Variants in GABRR3 observed in about 807,000 individuals in gnomAD.
GABRR3 encodes the protein gamma-aminobutyric acid receptor subunit rho-3.
A neutral mutation model predicts 43.2 loss-of-function variants in GABRR3; 29 were observed. The ratio of observed to expected loss-of-function variants is 0.67; its 90% confidence interval spans 0.50 to 0.92. The LOEUF is 0.92. Ranked by LOEUF, GABRR3 falls within the 40% of genes least tolerant of loss-of-function variation. The probability of loss-of-function intolerance (pLI) is 0.00; values close to 1 mark genes in which losing one functional copy is unlikely to be tolerated. For synonymous variants in GABRR3, 206 were observed against 195.9 expected, an observed-to-expected ratio of 1.05 and a Z score of -0.43; for missense variants, 576 against 572.3, an observed-to-expected ratio of 1.01 and a Z score of -0.07.
At chr3:98,020,490 T>C (rs1355424408) in intron 3 of GABRR3, among the ~76,000 whole-genome samples, 1 of 131,452 alleles carries the variant, frequency 7.6e-6, no homozygotes, top group African/African-American at 2.8e-5. Context: ...AAGAAAAAGA[T>C]ACAGTGCTTC....
At chr3:98,010,465 G>A (rs1377110827) in intron 5 of GABRR3, among the ~76,000 whole-genome samples, 3 of 152,122 alleles carry the variant, frequency 2.0e-5, no homozygotes, top group Non-Finnish European at 2.9e-5. Context: ...CCCCTCCAGA[G>A]GTCAAGCTGA....
chr3:98,025,647 C>A (rs770976930), exon 3 of GABRR3: 1 of 1,612,236 alleles, frequency 6.2e-7, no homozygotes, highest in Admixed American at 1.7e-5. Flanking sequence ...CGCTTTGGTA[C>A]TGTCATCTTT....
At chr3:98,007,106 G>A (rs928164178) in intron 7 of GABRR3, among the ~76,000 whole-genome samples, 11 of 152,066 alleles carry the variant, frequency 7.2e-5, no homozygotes, top group African/African-American at 1.7e-4. Flanking sequence ...TCAAATAAAC[G>A]CATAGTTCAG....
downstream of GABRR3, among the ~76,000 whole-genome samples, chr3:97,986,497 G>A (rs1706387917): frequency 6.6e-6 from 1 of 152,150 alleles, no homozygotes. Context: ...CTTATTTATG[G>A]AGTCAAACTT....
intron 4 of GABRR3, among the ~76,000 whole-genome samples, chr3:98,016,039 A>G (rs1706868361): frequency 6.6e-6 from 1 of 152,164 alleles, no homozygotes; most frequent in South Asian, 2.1e-4. Context: ...AGCAGGAGAG[A>G]GAGCATGTGC....
At chr3:97,999,414 AG>A (rs1261781494) in intron 8 of GABRR3, 1 of 152,170 alleles carries the variant, frequency 6.6e-6, no homozygotes, top group African/African-American at 2.4e-5. Flanking sequence ...GGTTCTAAAC[AG>A]GCTGAACGCT....
intron 3 of GABRR3, among the ~76,000 whole-genome samples, chr3:98,021,517 T>C (rs1706948433): frequency 6.6e-6 from 1 of 152,156 alleles, no homozygotes; most frequent in African/African-American, 2.4e-5. Context: ...GTTGCTGTGA[T>C]TATGTGAAAG....
chr3:97,990,017 C>T (rs1230150588), intron 9 of GABRR3, among the ~76,000 whole-genome samples: 1 of 152,162 alleles, frequency 6.6e-6, no homozygotes, highest in Non-Finnish European at 1.5e-5. Context: ...AACCCACAGA[C>T]ATTTCTTCTA....
intron 7 of GABRR3, among the ~76,000 whole-genome samples, chr3:98,002,517 A>C (rs1706663148): frequency 6.6e-6 from 1 of 152,182 alleles, no homozygotes; most frequent in Non-Finnish European, 1.5e-5. Flanking sequence ...GACTTCTCTG[A>C]GCACCATTCT....
chr3:98,027,587 G>A (rs896225974), intron 2 of GABRR3, among the ~76,000 whole-genome samples: 11 of 152,226 alleles, frequency 7.2e-5, no homozygotes, highest in African/African-American at 2.2e-4. Context: ...TCTTGGCAGC[G>A]TGCGAAAGCA....
In GABRR3 at chr3:98,012,559, T is replaced by G. The variant is rs1397150103; in HGVS notation, c.315A>C (p.Thr105=). The G allele has an allele frequency of 7.4e-6, 12 of 1,611,296 alleles. No individual in the cohort carries two copies. In the South Asian group the frequency reaches 1.2e-4, roughly 16 times the overall value. Residue 105 remains threonine, a synonymous_variant, in exon 5 of 10, where the codon ACA becomes ACC. Transcript: ENST00000621172. ...AGTAATGCCTGAGATAAAAAGTCAT[T>G]GTAAAGTCCTAGACAGAGAGAAAAA...
At chr3:98,004,962 A>G (rs894842440) in intron 7 of GABRR3, among the ~76,000 whole-genome samples, 2 of 152,148 alleles carry the variant, frequency 1.3e-5, no homozygotes, top group African/African-American at 4.8e-5. Context: ...GAGCTATCAC[A>G]TGCTCATGAA....
At chr3:98,021,711 T>C (rs1706950195) in intron 3 of GABRR3, among the ~76,000 whole-genome samples, 1 of 152,198 alleles carries the variant, frequency 6.6e-6, no homozygotes, top group African/African-American at 2.4e-5. Flanking sequence ...ACCATTACGA[T>C]GATTGTGTTG....
chr3:98,034,983 A>C, exon 2 of GABRR3: 1 of 1,612,122 alleles, frequency 6.2e-7, no homozygotes, highest in Non-Finnish European at 8.5e-7. Context: ...GAAAGCCAGG[A>C]CCATCTCTTC....
intron 7 of GABRR3, among the ~76,000 whole-genome samples, chr3:98,005,679 C>A (rs1480653044): frequency 1.3e-5 from 2 of 152,002 alleles, no homozygotes; most frequent in Non-Finnish European, 1.5e-5. Context: ...TATGGTAGAG[C>A]AAATGGAATG....
intron 5 of GABRR3, among the ~76,000 whole-genome samples, chr3:98,011,388 C>T (rs1706790437): frequency 6.6e-6 from 1 of 152,184 alleles, no homozygotes; most frequent in South Asian, 2.1e-4. Context: ...AGGCCCTTCA[C>T]TCTTAGCTCT....
In GABRR3 at chr3:98,003,431, T is replaced by G. The variant is rs1225381589; in HGVS notation, c.755-1664A>C. Among the ~76,000 whole-genome samples the G allele has an allele frequency of 7.3e-5, 11 of 150,472 alleles. No individual in the cohort carries two copies. In the South Asian group the frequency reaches 1.5e-3, roughly 20 times the overall value. On this transcript the variant is annotated intron_variant, in intron 7 of 9. Coordinates refer to ENST00000621172, the Ensembl canonical transcript of GABRR3. ...AACAGTTGTCCTTTTTTTTTTTTTT[T>G]GGTGGGGTGGGGGCAGGGTGGAGTA...
At chr3:98,033,604 T>C (rs946968964) in intron 2 of GABRR3, among the ~76,000 whole-genome samples, 2 of 152,178 alleles carry the variant, frequency 1.3e-5, no homozygotes, top group Admixed American at 6.6e-5. Flanking sequence ...ACAAGTCTAC[T>C]CTATGGATGA....
At chr3:98,028,900 A>C (rs890956797) in intron 2 of GABRR3, among the ~76,000 whole-genome samples, 2 of 152,192 alleles carry the variant, frequency 1.3e-5, no homozygotes, top group Non-Finnish European at 2.9e-5. Context: ...AAGGAGACAG[A>C]AGGAAATTTG....
Sources: gnomAD v4.1 joint callset for allele counts (sites outside exome capture counted in the v4.1 genomes callset) on GRCh38, gnomAD v4.1.1 for gene constraint, MANE v1.5 for transcripts, NCBI Gene and HGNC (gene_info 2026-07-23, HGNC 2026-07-21) for gene names.